Variants in RSRC1 observed in about 807,000 individuals in gnomAD.
The protein encoded by RSRC1 is serine/Arginine-related protein 53.
RSRC1 carries 39 observed loss-of-function variants against 49.1 expected under a neutral mutation model. That is an observed-to-expected ratio of 0.79 (90% CI 0.61 to 1.04). The LOEUF (loss-of-function observed/expected upper bound fraction) is 1.04. Among genes scored for constraint, RSRC1 ranks in the 50% least tolerant of loss-of-function variants. The pLI is 0.00. For synonymous variants in RSRC1, 143 were observed against 130.8 expected (o/e 1.09, Z -0.63); for missense variants, 388 against 402.4 (o/e 0.96, Z 0.31).
intron 6 of RSRC1, among the ~76,000 whole-genome samples, chr3:158,357,802 G>T (rs942574976): frequency 6.6e-6 from 1 of 152,062 alleles, no homozygotes; most frequent in Non-Finnish European, 1.5e-5. Context: ...ACCTTGATTT[G>T]GGGGCCTTAA....
At chr3:158,222,742 C>A (rs1011799445) in intron 4 of RSRC1, among the ~76,000 whole-genome samples, 2 of 151,538 alleles carry the variant, frequency 1.3e-5, no homozygotes, top group Non-Finnish European at 3.0e-5. Context: ...AAATTAGCAT[C>A]ATTCTTTTCT....
intron 6 of RSRC1, among the ~76,000 whole-genome samples, chr3:158,377,509 C>T (rs189686382): frequency 6.6e-6 from 1 of 152,120 alleles, no homozygotes; most frequent in African/African-American, 2.4e-5. Context: ...CATTCTCCCG[C>T]TCTTGCTCCT....
At chr3:158,472,470 T>G (rs1305156241) in intron 7 of RSRC1, among the ~76,000 whole-genome samples, 3 of 152,150 alleles carry the variant, frequency 2.0e-5, no homozygotes, top group African/African-American at 7.2e-5. Context: ...TTCCAAATTT[T>G]TTTCTGATCC....
At chr3:158,322,515 T>C (rs1319895670) in intron 5 of RSRC1, among the ~76,000 whole-genome samples, 1 of 152,250 alleles carries the variant, frequency 6.6e-6, no homozygotes, top group Non-Finnish European at 1.5e-5. Context: ...CCCTTGCTGC[T>C]CTTAAGATTT....
intron 4 of RSRC1, among the ~76,000 whole-genome samples, chr3:158,204,866 A>T (rs2108281438): frequency 6.6e-6 from 1 of 152,306 alleles, no homozygotes; most frequent in African/African-American, 2.4e-5. Flanking sequence ...AATTTATATT[A>T]TATAAAACAT....
At chr3:158,520,633 C>T (rs1008264801) in intron 7 of RSRC1, among the ~76,000 whole-genome samples, 1 of 152,108 alleles carries the variant, frequency 6.6e-6, no homozygotes, top group Non-Finnish European at 1.5e-5. Flanking sequence ...ATATTGACCT[C>T]CTATGTCCAT....
At chr3:158,370,640 A>C (rs1466985923) in intron 6 of RSRC1, among the ~76,000 whole-genome samples, 1 of 151,412 alleles carries the variant, frequency 6.6e-6, no homozygotes, top group Non-Finnish European at 1.5e-5. Context: ...CAGTTTGTTT[A>C]TTCATTCAGC....
At chr3:158,412,422 T>C (rs1734510289) in intron 6 of RSRC1, among the ~76,000 whole-genome samples, 1 of 152,190 alleles carries the variant, frequency 6.6e-6, no homozygotes, top group Non-Finnish European at 1.5e-5. Context: ...TTGCCTATTC[T>C]TTAAGACTCA....
intron 4 of RSRC1, among the ~76,000 whole-genome samples, chr3:158,250,231 G>C (rs1345369426): frequency 6.6e-6 from 1 of 152,138 alleles, no homozygotes; most frequent in African/African-American, 2.4e-5. Context: ...TGGACACTTA[G>C]GTTGTTTCCT....
intron 7 of RSRC1, among the ~76,000 whole-genome samples, chr3:158,474,341 T>C (rs920493977): frequency 5.3e-5 from 8 of 152,220 alleles, no homozygotes; most frequent in Non-Finnish European, 1.2e-4. Flanking sequence ...AAAACCAATG[T>C]ACATACCTTA....
chr3:158,119,732 G>A (rs528158412), intron 1 of RSRC1, among the ~76,000 whole-genome samples: 31 of 150,706 alleles, frequency 2.1e-4, no homozygotes, highest in African/African-American at 7.6e-4. Flanking sequence ...TTATATGTAT[G>A]TACAGATATA....
chr3:158,341,388 C>G (rs1040181397), intron 5 of RSRC1, among the ~76,000 whole-genome samples: 1 of 152,080 alleles, frequency 6.6e-6, no homozygotes, highest in South Asian at 2.1e-4. Context: ...ACTTCGTGCC[C>G]TGTGTCCCAG....
At chr3:158,339,149 G>A (rs774277118) in intron 5 of RSRC1, among the ~76,000 whole-genome samples, 3 of 151,674 alleles carry the variant, frequency 2.0e-5, no homozygotes, top group East Asian at 1.9e-4. Flanking sequence ...AAAATTAGCC[G>A]GGCGCGGTGG....
intron 5 of RSRC1, among the ~76,000 whole-genome samples, chr3:158,345,777 ATATATATAT>A (rs1730519318): frequency 6.8e-6 from 1 of 146,500 alleles, no homozygotes; most frequent in African/African-American, 2.5e-5. Flanking sequence ...GTGTGTGTGT[ATATATATAT>A]ATACACATAT....
chr3:158,155,024 G>C (rs113064330), intron 3 of RSRC1, among the ~76,000 whole-genome samples: 5,701 of 152,016 alleles, frequency 0.038, 356 homozygotes, highest in African/African-American at 0.13. Flanking sequence ...GTTTTGTTTT[G>C]TTTTGTTATT....
chr3:158,145,811 G>C (rs1476449745), intron 3 of RSRC1, among the ~76,000 whole-genome samples: 1 of 152,128 alleles, frequency 6.6e-6, no homozygotes, highest in Non-Finnish European at 1.5e-5. Flanking sequence ...ATTTCGTTGA[G>C]CAGTGATTTG....
chr3:158,133,759 G>A (rs1716186646), intron 3 of RSRC1, among the ~76,000 whole-genome samples: 2 of 152,170 alleles, frequency 1.3e-5, no homozygotes. Context: ...TGTGGAAGAA[G>A]CATTTCAAAT....
intron 6 of RSRC1, among the ~76,000 whole-genome samples, chr3:158,401,975 G>A (rs1034590911): frequency 6.6e-6 from 1 of 151,914 alleles, no homozygotes; most frequent in African/African-American, 2.4e-5. Flanking sequence ...TATACTAAGT[G>A]TTATAGTACA....
At chr3:158,244,742 A>C (rs1388036464) in intron 4 of RSRC1, among the ~76,000 whole-genome samples, 1 of 152,138 alleles carries the variant, frequency 6.6e-6, no homozygotes, top group Non-Finnish European at 1.5e-5. Flanking sequence ...TCAGCTGTGA[A>C]TCCATCTGAT....
Sources: allele counts gnomAD v4.1 joint callset (sites outside exome capture counted in the v4.1 genomes callset), GRCh38; gene constraint gnomAD v4.1.1; transcripts MANE v1.5; gene names NCBI Gene and HGNC (gene_info 2026-07-23, HGNC 2026-07-21).